PRICKLE2: variants seen among roughly 807,000 people sequenced by gnomAD.
The protein encoded by PRICKLE2 is prickle planar cell polarity protein 2, also known as prickle-like protein 2.
PRICKLE2 carries 21 observed loss-of-function variants against 81.4 expected under a neutral mutation model. That is an observed-to-expected ratio of 0.26 (90% CI 0.18 to 0.37). PRICKLE2 has a LOEUF of 0.37. PRICKLE2 is among the 10% of genes least tolerant of loss of function. The probability of loss-of-function intolerance (pLI) is 1.00; values close to 1 mark genes in which losing one functional copy is unlikely to be tolerated. For missense variants in PRICKLE2, 940 were observed against 1,109.0 expected (o/e 0.85, Z 2.16); for synonymous variants, 456 against 421.5 (o/e 1.08, Z -1.00).
chr3:64,254,016 G>C (rs1167266610), intron 2 of PRICKLE2, among the ~76,000 whole-genome samples: 1 of 152,160 alleles, frequency 6.6e-6, no homozygotes, highest in African/African-American at 2.4e-5. Context: ...CAGATGGATG[G>C]AGGTTTGTAA....
chr3:64,247,733 A>G (rs2079379088), intron 2 of PRICKLE2, among the ~76,000 whole-genome samples: 1 of 152,236 alleles, frequency 6.6e-6, no homozygotes, highest in East Asian at 1.9e-4. Context: ...ATCCCCTGCC[A>G]AAATTTCTTT....
intron 2 of PRICKLE2, among the ~76,000 whole-genome samples, chr3:64,190,967 T>C (rs960706494): frequency 1.3e-5 from 2 of 152,100 alleles, no homozygotes; most frequent in African/African-American, 4.8e-5. Context: ...TCCCAAAGCC[T>C]GCTTGGGGCA....
rs183847893 is a variant in PRICKLE2, at chr3:64,215,970, C to G, written c.-41+8940G>C. 2.6e-5 allele frequency among the ~76,000 whole-genome samples: 4 copies of G among 152,328 alleles called. No individual in the cohort carries two copies. The East Asian group carries it at 7.7e-4, about 29-fold the overall frequency. On this transcript the variant is annotated intron_variant, in intron 1 of 7. Coordinates refer to ENST00000638394, the MANE Select transcript of PRICKLE2 (RefSeq NM_198859.4). ...AAAACTATCTGAGAGATAGAAGGAA[C>G]AAGAACTCCTATGGCCTTGGCATCT...
At chr3:64,264,608 A>G (rs1201069351) in intron 2 of PRICKLE2, among the ~76,000 whole-genome samples, 1 of 152,182 alleles carries the variant, frequency 6.6e-6, no homozygotes, top group Non-Finnish European at 1.5e-5. Flanking sequence ...CTAACATCCA[A>G]CTCAACAGAT....
At chr3:64,229,826 A>G (rs1327212221), upstream of PRICKLE2, among the ~76,000 whole-genome samples, 1 of 152,264 alleles carries the variant, frequency 6.6e-6, no homozygotes, top group Non-Finnish European at 1.5e-5. Flanking sequence ...AATAAAGTAA[A>G]TGTGGGAGAG....
At chr3:64,197,965 A>T (rs943919207) in intron 2 of PRICKLE2, among the ~76,000 whole-genome samples, 1 of 152,052 alleles carries the variant, frequency 6.6e-6, no homozygotes. Flanking sequence ...TAATCCCAGC[A>T]CTTTGGGAGG....
intron 1 of PRICKLE2, chr3:64,199,596 C>G (rs1384852570): frequency 2.6e-5 from 4 of 152,246 alleles, no homozygotes; most frequent in African/African-American, 9.7e-5. Context: ...AATTAGAAAC[C>G]CAAATTTTCC....
At chr3:64,241,344 C>T (rs1384245727) in intron 2 of PRICKLE2, among the ~76,000 whole-genome samples, 2 of 152,184 alleles carry the variant, frequency 1.3e-5, no homozygotes, top group Admixed American at 1.3e-4. Flanking sequence ...CCACAGTCCC[C>T]AGTTCTTCTC....
chr3:64,113,397 T>A (rs1358374546), intron 7 of PRICKLE2, among the ~76,000 whole-genome samples: 3 of 152,146 alleles, frequency 2.0e-5, no homozygotes, highest in African/African-American at 4.8e-5. Flanking sequence ...GGCCCCAGCC[T>A]GGCCACACCT....
Position 64,099,630 on chromosome 3 carries a change from G to C in PRICKLE2, c.1956C>G (p.Ser652Arg). 1 of 1,614,048 alleles carries C rather than the reference G, an allele frequency of 6.2e-7. No individual in the cohort carries two copies. Among genetic ancestry groups the C allele is most frequent in the Non-Finnish European group, 8.5e-7 (1 of 1,180,034 alleles). ...SFDFDGGMAG[S>R]KLPGQEGVRI... is the part of the protein sequence containing the mutation. Reference sequence around the variant, plus strand: ...TCACGCCCTCCTGCCCTGGCAGCTTGCTGCCCGCCATCCCTCCATCAAAAT... The same window carrying C: ...TCACGCCCTCCTGCCCTGGCAGCTTCCTGCCCGCCATCCCTCCATCAAAAT... The change falls in exon 8 of 8, where the codon AGC becomes AGG. Residue 652 changes from serine (S) to arginine (R), a missense_variant. Physicochemically the swap from Ser to Arg is moderately radical, Grantham distance 110. This residue lies in a region of PRICKLE2 where 670 missense variants were observed against 717.2 expected (regional missense o/e 0.93). Transcript: ENST00000638394. The surrounding 1 kb of genome is among the most constrained non-coding windows in gnomAD (Gnocchi z 4.3).
At chr3:64,240,732 G>A (rs1027831562) in intron 2 of PRICKLE2, among the ~76,000 whole-genome samples, 2 of 152,212 alleles carry the variant, frequency 1.3e-5, no homozygotes, top group Admixed American at 1.3e-4. Context: ...TGTTTAAAGT[G>A]TGGATTCTCA....
At chr3:64,112,350 G>T (rs1182845692) in intron 7 of PRICKLE2, among the ~76,000 whole-genome samples, 1 of 152,096 alleles carries the variant, frequency 6.6e-6, no homozygotes, top group Non-Finnish European at 1.5e-5. Flanking sequence ...TTTAGGCTTG[G>T]GATCTTTGCT....
chr3:64,231,170 C>T (rs545564172), intron 2 of PRICKLE2, among the ~76,000 whole-genome samples: 92 of 152,194 alleles, frequency 6.0e-4, no homozygotes, highest in Non-Finnish European at 1.1e-3. Context: ...TTAACACAGC[C>T]TTTTATCCTC....
Position 64,255,131 on chromosome 3 carries a change from G to A in PRICKLE2, c.129-56164C>T, listed in dbSNP as rs73832137. On this transcript the variant is annotated intron_variant, in intron 2 of 8. Coordinates refer to the PRICKLE2 transcript ENST00000295902. Reference sequence around the variant, plus strand: ...GTTGGCCAAATTCCAAGCCATAGTAGTGAGTAGGGTCACTTTAAAAGATCA... The same window carrying A: ...GTTGGCCAAATTCCAAGCCATAGTAATGAGTAGGGTCACTTTAAAAGATCA... Among the ~76,000 whole-genome samples, 1,398 of 152,252 alleles carry A rather than the reference G, an allele frequency of 9.2e-3. 20 individuals carry two copies. Among genetic ancestry groups the A allele is most frequent in the African/African-American group, 0.032 (1,328 of 41,546 alleles).
intron 7 of PRICKLE2, chr3:64,141,777 C>T (rs1486812815): frequency 1.0e-6 from 1 of 983,626 alleles, no homozygotes; most frequent in East Asian, 1.1e-4. Context: ...AAAAATGCTG[C>T]CCACAGAAAG....
At chr3:64,266,861 T>C (rs2079717532) in intron 2 of PRICKLE2, among the ~76,000 whole-genome samples, 1 of 151,738 alleles carries the variant, frequency 6.6e-6, no homozygotes. Context: ...TAATTTAATA[T>C]GGGCGGAAAT....
chr3:64,194,368 G>C (rs991790761), intron 2 of PRICKLE2: 5 of 152,188 alleles, frequency 3.3e-5, no homozygotes, highest in African/African-American at 1.2e-4. Context: ...TCTTGATTGG[G>C]CCAGAATTCT....
chr3:64,254,531 T>C (rs576896611), intron 2 of PRICKLE2, among the ~76,000 whole-genome samples: 1 of 152,248 alleles, frequency 6.6e-6, no homozygotes, highest in African/African-American at 2.4e-5. Context: ...CCTCAATCTA[T>C]TTCTCACTTC....
chr3:64,232,130 A>G (rs1279163392), intron 2 of PRICKLE2, among the ~76,000 whole-genome samples: 1 of 151,884 alleles, frequency 6.6e-6, no homozygotes, highest in African/African-American at 2.4e-5. Context: ...TTCCCTTAGG[A>G]CTCTCATTCT....
Sources: gnomAD v4.1 joint callset for allele counts (sites outside exome capture counted in the v4.1 genomes callset) on GRCh38, gnomAD v4.1.1 for gene constraint, gnomAD v4.1.1 regional missense constraint, Gnocchi (gnomAD v3.1) non-coding constraint, MANE v1.5 for transcripts, NCBI Gene and HGNC (gene_info 2026-07-23, HGNC 2026-07-21) for gene names.